NKAIN2: variants seen among roughly 807,000 people sequenced by gnomAD.
NKAIN2 encodes sodium/potassium-transporting ATPase subunit beta-1-interacting protein 2.
NKAIN2 carries 14 observed loss-of-function variants against 32.6 expected under a neutral mutation model. The observed-to-expected ratio is 0.43, with a 90% CI of 0.28 to 0.67. The LOEUF is 0.67. Ranked by LOEUF, NKAIN2 falls within the 30% of genes least tolerant of loss-of-function variation. The pLI is 0.17. For synonymous variants in NKAIN2, 80 were observed against 87.2 expected, an observed-to-expected ratio of 0.92 and a Z score of 0.46; for missense variants, 198 against 258.3, an observed-to-expected ratio of 0.77 and a Z score of 1.60.
At chr6:123,930,435 A>T (rs1776201914) in intron 1 of NKAIN2, among the ~76,000 whole-genome samples, 2 of 152,148 alleles carry the variant, frequency 1.3e-5, no homozygotes, top group African/African-American at 4.8e-5. Flanking sequence ...TTTCTTGATT[A>T]TACTGCATAT....
At chr6:124,381,640 C>G (rs191542981) in intron 3 of NKAIN2, among the ~76,000 whole-genome samples, 34 of 152,164 alleles carry the variant, frequency 2.2e-4, no homozygotes, top group African/African-American at 7.2e-4. Flanking sequence ...GAATTGTAGA[C>G]TTGAATATCT....
intron 3 of NKAIN2, among the ~76,000 whole-genome samples, chr6:124,422,331 C>A (rs1198342820): frequency 6.6e-6 from 1 of 151,634 alleles, no homozygotes; most frequent in Admixed American, 6.6e-5. Context: ...TTTTAAAGGC[C>A]AAGCAGAAGA....
chr6:124,232,464 C>T (rs1210372704), intron 1 of NKAIN2, among the ~76,000 whole-genome samples: 1 of 152,052 alleles, frequency 6.6e-6, no homozygotes, highest in Non-Finnish European at 1.5e-5. Flanking sequence ...ATAGCAGAAT[C>T]TTTGAGGTAA....
At chr6:123,831,756 T>C (rs998939260) in intron 1 of NKAIN2, among the ~76,000 whole-genome samples, 3 of 151,106 alleles carry the variant, frequency 2.0e-5, no homozygotes, top group African/African-American at 7.3e-5. Flanking sequence ...CCCGGGTTCA[T>C]GCCATTCTCC....
chr6:124,637,370 T>C (rs915815014), intron 3 of NKAIN2, among the ~76,000 whole-genome samples: 10 of 151,932 alleles, frequency 6.6e-5, no homozygotes. Context: ...TTATTCAATA[T>C]AGTACTAAAA....
intron 1 of NKAIN2, among the ~76,000 whole-genome samples, chr6:124,157,031 A>C (rs1318467220): frequency 7.7e-6 from 1 of 130,070 alleles, no homozygotes; most frequent in East Asian, 2.6e-4. Flanking sequence ...TGAACCCGGG[A>C]GGCAGAGGTT....
At chr6:124,629,671 A>G (rs1186732409) in intron 3 of NKAIN2, among the ~76,000 whole-genome samples, 2 of 152,158 alleles carry the variant, frequency 1.3e-5, no homozygotes, top group African/African-American at 2.4e-5. Context: ...TCTGATATCC[A>G]CCAAAACATT....
intron 4 of NKAIN2, among the ~76,000 whole-genome samples, chr6:124,773,493 C>T (rs1449373660): frequency 6.6e-6 from 1 of 152,100 alleles, no homozygotes; most frequent in Non-Finnish European, 1.5e-5. Context: ...AGGTTAAAGA[C>T]TTTACCCTTG....
chr6:124,024,942 G>T (rs1781037501), intron 1 of NKAIN2, among the ~76,000 whole-genome samples: 1 of 151,464 alleles, frequency 6.6e-6, no homozygotes, highest in African/African-American at 2.4e-5. Flanking sequence ...AGCCAGGATG[G>T]CGCCACTGCT....
At chr6:124,558,547 A>G (rs1018231220) in intron 3 of NKAIN2, among the ~76,000 whole-genome samples, 2 of 152,128 alleles carry the variant, frequency 1.3e-5, no homozygotes, top group African/African-American at 4.8e-5. Flanking sequence ...TTGTATCTTT[A>G]TTCCTTTAAG....
chr6:124,577,157 T>A (rs1781363550), intron 3 of NKAIN2, among the ~76,000 whole-genome samples: 1 of 152,164 alleles, frequency 6.6e-6, no homozygotes, highest in Non-Finnish European at 1.5e-5. Context: ...GATGGCTGAA[T>A]AGAAGCCTTC....
At chr6:123,932,509 C>T (rs184328409) in intron 1 of NKAIN2, among the ~76,000 whole-genome samples, 1,821 of 150,536 alleles carry the variant, frequency 0.012, 17 homozygotes, top group Non-Finnish European at 0.019. Flanking sequence ...CTCCGCCTCC[C>T]GGGTTCACGC....
intron 4 of NKAIN2, among the ~76,000 whole-genome samples, chr6:124,686,033 T>A (rs1773858398): frequency 1.3e-5 from 2 of 152,100 alleles, no homozygotes; most frequent in Admixed American, 1.3e-4. Flanking sequence ...CCAAGCTCAC[T>A]GAGATTGTTG....
chr6:124,043,203 C>A (rs1481285308), intron 1 of NKAIN2, among the ~76,000 whole-genome samples: 1 of 151,886 alleles, frequency 6.6e-6, no homozygotes, highest in East Asian at 1.9e-4. Context: ...ACTAAAAATA[C>A]AAAATTAGCT....
chr6:123,901,803 A>G (rs139442816), intron 1 of NKAIN2, among the ~76,000 whole-genome samples: 2 of 152,264 alleles, frequency 1.3e-5, no homozygotes, highest in African/African-American at 4.8e-5. Flanking sequence ...AAGAGTTTCC[A>G]CAATAAAATT....
chr6:124,218,064 A>G (rs1199101060), intron 1 of NKAIN2, among the ~76,000 whole-genome samples: 1 of 152,034 alleles, frequency 6.6e-6, no homozygotes, highest in East Asian at 1.9e-4. Flanking sequence ...TCGTCTAGTA[A>G]AAGGCCGTAT....
At chr6:124,188,319 G>A (rs1789848978) in intron 1 of NKAIN2, among the ~76,000 whole-genome samples, 1 of 152,210 alleles carries the variant, frequency 6.6e-6, no homozygotes, top group African/African-American at 2.4e-5. Flanking sequence ...CAGGCTATCA[G>A]AAGGGGCAAA....
intron 1 of NKAIN2, among the ~76,000 whole-genome samples, chr6:124,266,147 AT>A (rs1794484172): frequency 6.6e-6 from 1 of 152,206 alleles, no homozygotes; most frequent in African/African-American, 2.4e-5. Flanking sequence ...AATACTCATG[AT>A]GATTCTTTAT....
chr6:124,006,049 G>A (rs1780061387), intron 1 of NKAIN2, among the ~76,000 whole-genome samples: 1 of 152,088 alleles, frequency 6.6e-6, no homozygotes, highest in Admixed American at 6.6e-5. Context: ...CTGTTGTTAT[G>A]CTATTTGCGT....
Sources: allele counts gnomAD v4.1 joint callset (sites outside exome capture counted in the v4.1 genomes callset), GRCh38; gene constraint gnomAD v4.1.1; transcripts MANE v1.5; gene names NCBI Gene and HGNC (gene_info 2026-07-23, HGNC 2026-07-21).